The following FRAS1 variants were observed in gnomAD, a reference collection of about 807,000 sequenced individuals.
FRAS1 encodes Fraser extracellular matrix complex subunit 1.
A neutral mutation model predicts 435.2 loss-of-function variants in FRAS1; 290 were observed. The ratio of observed to expected loss-of-function variants is 0.67; its 90% CI spans 0.61 to 0.73. The LOEUF (loss-of-function observed/expected upper bound fraction) is 0.73. Ranked by LOEUF, FRAS1 falls within the 30% of genes least tolerant of loss-of-function variation. FRAS1 has a pLI of 0.00. For missense variants in FRAS1, 4,860 were observed against 5,001.5 expected, an observed-to-expected ratio of 0.97 and a Z score of 0.85; for synonymous variants, 1,800 against 1,851.0, an observed-to-expected ratio of 0.97 and a Z score of 0.71.
chr4:78,418,968 C>T lies in FRAS1; in HGVS notation c.4445C>T (p.Thr1482Ile), dbSNP rs1733656754. The T allele has an allele frequency of 1.2e-6, 2 of 1,602,668 alleles. No homozygotes were observed. The highest frequency in any genetic ancestry group is 1.7e-6 in the Non-Finnish European group (2 of 1,174,474). Residue 1482 changes from threonine to isoleucine, a missense_variant, in exon 33 of 74, where the codon ACT becomes ATT. Coordinates refer to ENST00000512123, the MANE Select transcript of FRAS1 (RefSeq NM_025074.7). ...GTTTAGGCTAGAGAAGATGGCCTGA[C>T]TGTTATTCAGCCTCATTCCCTCTCC... Reference protein sequence around the residue: ...LHMTAREDGLTVIQPHSLSFI... With the variant: ...LHMTAREDGLIVIQPHSLSFI...
chr4:78,057,461 TGAG>T lies in FRAS1; in HGVS notation c.-547_-545del, dbSNP rs1739516183. On this transcript the variant is annotated 5_prime_UTR_variant, in exon 1 of 74. Transcript: ENST00000512123. This position sits in a 1 kb window ranked among gnomAD's most constrained non-coding sequence, Gnocchi z 4.2. The stretch of plus-strand genomic sequence containing the variant: ...TTTCCAGCGAGCGGACCCCGGCAGA[TGAG>T]GTCTGCCGAGCCGGGTGGCTCGACC... 2 of 153,438 alleles carry T rather than the reference TGAG, an allele frequency of 1.3e-5. No individual in the cohort carries two copies. Among genetic ancestry groups the T allele is most frequent in the Non-Finnish European group, 1.5e-5 (1 of 68,886 alleles). The allele number at this position is 153,438 out of a possible 1,614,324, so 9.5% of individuals were successfully genotyped here.
chr4:78,286,498 C>T lies in FRAS1; in HGVS notation c.1493C>T (p.Thr498Ile). Residue 498 changes from threonine to isoleucine, a missense_variant, in exon 14 of 74, where the codon ACC becomes ATC. Physicochemically the swap from Thr to Ile is moderately conservative, Grantham distance 89. Coordinates refer to ENST00000512123, the MANE Select transcript of FRAS1 (RefSeq NM_025074.7). ...LLMRHGQCVP[T>I]CGDGFYQDRH... is the part of the protein sequence containing the mutation. ...ATGCGGCACGGGCAGTGTGTGCCTA[C>T]CTGTGGGGACGGCTTCTACCAAGAT... 6.2e-7 allele frequency: 1 copy of T among 1,613,576 alleles called. No individual in the cohort carries two copies. Among genetic ancestry groups the T allele is most frequent in the Admixed American group, 1.7e-5 (1 of 60,016 alleles).
Position 78,478,020 on chromosome 4 carries a change from A to G in FRAS1, c.8057A>G (p.Asn2686Ser). The G allele has an allele frequency of 6.3e-7, 1 of 1,596,240 alleles. No homozygotes were observed. Among genetic ancestry groups the G allele is most frequent in the East Asian group, 2.3e-5 (1 of 44,194 alleles). Reference protein sequence around the residue: ...LEFDKKIYWVNESAGFLFAPI... With the variant: ...LEFDKKIYWVSESAGFLFAPI... ...TTTGACAAGAAGATCTACTGGGTTA[A>G]CGAGAGCGCTGGTTTTCTGTTTGCA... is the stretch of plus-strand genomic sequence containing the variant. The change falls in exon 55 of 74, where the codon AAC becomes AGC. Residue 2686 changes from asparagine to serine, a missense_variant. Coordinates refer to ENST00000512123, the MANE Select transcript of FRAS1 (RefSeq NM_025074.7).
rs1265212528 is a variant in FRAS1 at position 78,300,421 on chromosome 4, T to C, written c.1535-7645T>C. Among the ~76,000 whole-genome samples the C allele has an allele frequency of 7.2e-5, 11 of 152,130 alleles. 1 individual carries two copies. Among genetic ancestry groups the C allele is most frequent in the Admixed American group, 7.2e-4 (11 of 15,274 alleles). On this transcript the variant is annotated intron_variant, in intron 14 of 73. Coordinates refer to ENST00000512123, the MANE Select transcript of FRAS1 (RefSeq NM_025074.7). ...CCTTGTACAGTTAACAAAATAGAAA[T>C]GGGCCCTGCCCTCATGGAGCTTACG...
intron 14 of FRAS1, among the ~76,000 whole-genome samples, chr4:78,304,592 G>C (rs1427305645): frequency 6.6e-6 from 1 of 151,636 alleles, no homozygotes; most frequent in Non-Finnish European, 1.5e-5. Flanking sequence ...GTTTAGTCTT[G>C]GGAGAGTGTA....
At position 78,432,394 on chromosome 4, in the gene FRAS1, T is replaced by C; in HGVS notation, c.5007T>C (p.Ala1669=). The C allele has an allele frequency of 6.2e-7, 1 of 1,607,540 alleles. No homozygotes were observed. The highest frequency in any genetic ancestry group is 8.5e-7 in the Non-Finnish European group (1 of 1,176,700). ...TFTYEDVEKN[A]LQYIHDGSST... is the part of the protein sequence containing the mutation. The stretch of plus-strand genomic sequence containing the variant: ...CCTATGAGGATGTTGAGAAAAATGC[T>C]CTACAGTATATACATGATGGTTCCT... The change falls in exon 38 of 74, where the codon GCT becomes GCC. Residue 1669 remains alanine, a synonymous_variant. Coordinates refer to ENST00000512123, the MANE Select transcript of FRAS1 (RefSeq NM_025074.7).
chr4:78,363,845 G>A, intron 21 of FRAS1, 63 bp from the exon 22 acceptor site: 5 of 1,548,518 alleles, frequency 3.2e-6, no homozygotes, highest in South Asian at 1.2e-5. Context: ...CCCACACTTG[G>A]GGTGCTGCTT....
At chr4:78,528,230 C>T (rs570289447) in intron 70 of FRAS1, among the ~76,000 whole-genome samples, 4 of 152,162 alleles carry the variant, frequency 2.6e-5, no homozygotes, top group South Asian at 4.1e-4. Context: ...GCAGATCAGG[C>T]GGTGTGGAAC....
chr4:78,496,221 G>A (rs1720503615), intron 59 of FRAS1, among the ~76,000 whole-genome samples: 1 of 152,168 alleles, frequency 6.6e-6, no homozygotes, highest in Non-Finnish European at 1.5e-5. Context: ...CCATCAAACA[G>A]GGATTTGGAT....
At chr4:78,503,251 C>T (rs1002758725) in intron 61 of FRAS1, among the ~76,000 whole-genome samples, 1 of 152,204 alleles carries the variant, frequency 6.6e-6, no homozygotes, top group Non-Finnish European at 1.5e-5. Flanking sequence ...GGGAGAATTA[C>T]CTCTTTTTCT....
chr4:78,198,051 T>A (rs1258407532), intron 2 of FRAS1, among the ~76,000 whole-genome samples: 3 of 152,224 alleles, frequency 2.0e-5, no homozygotes, highest in Admixed American at 2.0e-4. Context: ...ATTTCAGCTC[T>A]TTATTTTGGG....
rs763881491 is a variant in FRAS1, at chr4:78,375,850, C to T, written c.3263C>T (p.Ser1088Phe). The T allele has an allele frequency of 6.2e-7, 1 of 1,613,862 alleles. No individual in the cohort carries two copies. The highest frequency in any genetic ancestry group is 8.5e-7 in the Non-Finnish European group (1 of 1,179,824). The change falls in exon 26 of 74, where the codon TCT becomes TTT. Residue 1088 changes from serine to phenylalanine, a missense_variant. By Grantham distance (155) the Ser-to-Phe change is radical. Coordinates refer to ENST00000512123, the MANE Select transcript of FRAS1 (RefSeq NM_025074.7). Reference sequence around the variant, plus strand: ...GTTTACAACTGTGTTCCTGGCTTTTCTGTCCACACCTCTAATGAAACATGT... The same window carrying T: ...GTTTACAACTGTGTTCCTGGCTTTTTTGTCCACACCTCTAATGAAACATGT... The part of the protein sequence containing the change: ...LCVYNCVPGF[S>F]VHTSNETCSG...
At chr4:78,094,686 C>T (rs529904559) in intron 2 of FRAS1, among the ~76,000 whole-genome samples, 2 of 152,174 alleles carry the variant, frequency 1.3e-5, no homozygotes, top group South Asian at 4.1e-4. Context: ...CCTATTAAAA[C>T]AGATTGTTTT....
chr4:78,165,526 A>G (rs1012067359), intron 2 of FRAS1, among the ~76,000 whole-genome samples: 1 of 152,218 alleles, frequency 6.6e-6, no homozygotes, highest in African/African-American at 2.4e-5. Flanking sequence ...GCTGAGATAG[A>G]TAACAATTAA....
chr4:78,077,197 A>AACAAACAC (rs1740677475), intron 2 of FRAS1, among the ~76,000 whole-genome samples: 1 of 149,932 alleles, frequency 6.7e-6, no homozygotes, highest in Admixed American at 6.6e-5. Flanking sequence ...GACACACAGA[A>AACAAACAC]ACACACACAC....
intron 29 of FRAS1, among the ~76,000 whole-genome samples, chr4:78,394,482 A>G (rs1732576067): frequency 6.6e-6 from 1 of 151,872 alleles, no homozygotes. Flanking sequence ...CTTATTTTAT[A>G]TTCTTTGCAC....
At chr4:78,399,916 C>T (rs7697470) in intron 29 of FRAS1, among the ~76,000 whole-genome samples, 21,229 of 152,160 alleles carry the variant, frequency 0.14, 1,869 homozygotes, top group African/African-American at 0.25. Context: ...CCTGGAGACT[C>T]GTGTTGACTT....
At chr4:78,479,809 C>A in intron 56 of FRAS1, 91 bp downstream of exon 56, 1 of 994,150 alleles carries the variant, frequency 1.0e-6, no homozygotes, top group Non-Finnish European at 1.4e-6. Context: ...ATCCGGGAGA[C>A]ATTGAGAATG....
chr4:78,199,655 A>T (rs1722965590), intron 2 of FRAS1, among the ~76,000 whole-genome samples: 1 of 152,250 alleles, frequency 6.6e-6, no homozygotes, highest in Non-Finnish European at 1.5e-5. Flanking sequence ...CTCTCAAAAG[A>T]GATTCGTGAG....
Sources: allele counts gnomAD v4.1 joint callset (sites outside exome capture counted in the v4.1 genomes callset), GRCh38; gene constraint gnomAD v4.1.1; non-coding constraint Gnocchi (gnomAD v3.1); transcripts MANE v1.5; gene names NCBI Gene and HGNC (gene_info 2026-07-23, HGNC 2026-07-21).